The following PRKN variants were observed in gnomAD, a reference collection of about 807,000 sequenced individuals.
PRKN encodes the protein E3 ubiquitin-protein ligase parkin.
A neutral mutation model predicts 59.5 loss-of-function variants in PRKN; 56 were observed. That is an observed-to-expected ratio of 0.94 (90% CI 0.76 to 1.18). The LOEUF is 1.18. Ranked by LOEUF, PRKN falls within the 50% of genes most tolerant of loss-of-function variation. The pLI, the probability that PRKN is intolerant of heterozygous loss-of-function variation, is 0.00. For missense variants in PRKN, 657 were observed against 596.4 expected, an observed-to-expected ratio of 1.10 and a Z score of -1.06; for synonymous variants, 250 against 222.1, an observed-to-expected ratio of 1.13 and a Z score of -1.12.
At chr6:162,676,931 G>T (rs1779570318) in intron 1 of PRKN, among the ~76,000 whole-genome samples, 1 of 151,770 alleles carries the variant, frequency 6.6e-6, no homozygotes, top group African/African-American at 2.4e-5. Flanking sequence ...CATGGTGGTG[G>T]GTGCCTGTAA....
At chr6:162,336,462 C>T (rs1330914403) in intron 2 of PRKN, among the ~76,000 whole-genome samples, 1 of 152,154 alleles carries the variant, frequency 6.6e-6, no homozygotes, top group African/African-American at 2.4e-5. Flanking sequence ...ACAGTGCCAA[C>T]TGCCAAGTAC....
At chr6:161,478,815 C>A (rs1440051395) in intron 9 of PRKN, among the ~76,000 whole-genome samples, 1 of 152,152 alleles carries the variant, frequency 6.6e-6, no homozygotes, top group Non-Finnish European at 1.5e-5. Context: ...CACTGTACTC[C>A]CAGCCTGAGT....
intron 2 of PRKN, among the ~76,000 whole-genome samples, chr6:162,381,287 ATATTTC>A (rs1786471178): frequency 6.6e-6 from 1 of 152,286 alleles, no homozygotes; most frequent in Non-Finnish European, 1.5e-5. Flanking sequence ...TTTTTCAATT[ATATTTC>A]TATAACTATT....
At chr6:161,512,440 C>A (rs62436448) in intron 9 of PRKN, among the ~76,000 whole-genome samples, 1 of 152,166 alleles carries the variant, frequency 6.6e-6, no homozygotes, top group Admixed American at 6.5e-5. Flanking sequence ...TAAATTCATG[C>A]GGAGAAGTAT....
chr6:162,553,905 T>C (rs915024443), intron 1 of PRKN, among the ~76,000 whole-genome samples: 7 of 146,526 alleles, frequency 4.8e-5, no homozygotes, highest in Admixed American at 1.4e-4. Flanking sequence ...ATGATGAACT[T>C]TGGAATCTCA....
chr6:162,139,728 A>T (rs779794194), intron 4 of PRKN, among the ~76,000 whole-genome samples: 2 of 152,202 alleles, frequency 1.3e-5, no homozygotes, highest in Non-Finnish European at 2.9e-5. Flanking sequence ...ATGAGTAAAA[A>T]GTATAAAAAC....
chr6:162,085,406 C>A (rs1211780552), intron 4 of PRKN, among the ~76,000 whole-genome samples: 4 of 151,896 alleles, frequency 2.6e-5, no homozygotes, highest in African/African-American at 9.7e-5. Flanking sequence ...ACATATTTGA[C>A]TATTCAGTTA....
chr6:161,744,634 A>G (rs889591102), intron 7 of PRKN, among the ~76,000 whole-genome samples: 3 of 152,228 alleles, frequency 2.0e-5, no homozygotes, highest in African/African-American at 7.2e-5. Context: ...AAGGACCCAA[A>G]GCTGGAAGAT....
rs368999991 is a variant in PRKN at position 161,766,641 on chromosome 6, A to G, written c.871+19131T>C. Among the ~76,000 whole-genome samples, 9 of 152,314 alleles carry G rather than the reference A, an allele frequency of 5.9e-5. No individual in the cohort carries two copies. In the East Asian group the frequency reaches 1.5e-3, roughly 26 times the overall value. ...ACAGAACACAGTTTGATAAACATCA[A>G]TCTAAAGGTACTGCAGAGAGGCTGA... On this transcript the variant is annotated intron_variant, in intron 7 of 11. Coordinates refer to ENST00000366898, the MANE Select transcript of PRKN (RefSeq NM_004562.3).
Position 161,440,517 on chromosome 6 carries a change from G to A in PRKN, c.1084-53640C>T, listed in dbSNP as rs1181286558. Among the ~76,000 whole-genome samples the A allele has an allele frequency of 1.3e-5, 2 of 152,178 alleles. No homozygotes were observed. The highest frequency in any genetic ancestry group is 4.8e-5 in the African/African-American group (2 of 41,440). ...GGGAGGCTGCCTCTCGGGATAGATT[G>A]AATTGTTCTGCAAAGACATGGTCGG... On this transcript the variant is annotated intron_variant, in intron 9 of 11. Transcript: ENST00000366898. This position sits in a 1 kb window ranked among gnomAD's most constrained non-coding sequence, Gnocchi z 4.1.
intron 7 of PRKN, among the ~76,000 whole-genome samples, chr6:161,670,122 G>GGGT (rs201540724): frequency 0.015 from 2,237 of 152,232 alleles, 63 homozygotes; most frequent in African/African-American, 0.051. Context: ...TTGAAGCCCT[G>GGGT]GGTGTTGGCA....
At chr6:162,180,694 G>A (rs1783765857) in intron 4 of PRKN, among the ~76,000 whole-genome samples, 1 of 152,216 alleles carries the variant, frequency 6.6e-6, no homozygotes, top group South Asian at 2.1e-4. Context: ...TTCCAATCAG[G>A]TAGTTTTCAA....
At position 161,371,281 on chromosome 6, in the gene PRKN, C is replaced by T. The variant is rs149944764; in HGVS notation, c.1168-11076G>A. ...CTGGGTTCAAATGATTCTGCTGCCT[C>T]GGCCTCTCAAGTAGCTGGGGTTACA... On this transcript the variant is annotated intron_variant, in intron 10 of 11. Transcript: ENST00000366898. The surrounding 1 kb of genome is among the most constrained non-coding windows in gnomAD (Gnocchi z 5.5). Among the ~76,000 whole-genome samples, 17 of 152,014 alleles carry T rather than the reference C, an allele frequency of 1.1e-4. No homozygotes were observed. The highest frequency in any genetic ancestry group is 3.9e-4 in the African/African-American group (16 of 41,448).
At chr6:162,291,358 AC>A (rs1205213928) in intron 2 of PRKN, among the ~76,000 whole-genome samples, 2 of 142,412 alleles carry the variant, frequency 1.4e-5, no homozygotes, top group Non-Finnish European at 3.0e-5. Context: ...ACACTTATGA[AC>A]CAACTCTGGT....
chr6:162,293,762 A>G (rs1331107343), intron 2 of PRKN, among the ~76,000 whole-genome samples: 1 of 152,210 alleles, frequency 6.6e-6, no homozygotes, highest in Non-Finnish European at 1.5e-5. Context: ...CCCAAGGACC[A>G]GATGTGGGCA....
intron 1 of PRKN, among the ~76,000 whole-genome samples, chr6:162,445,569 G>A (rs1423098976): frequency 6.6e-6 from 1 of 151,552 alleles, no homozygotes; most frequent in East Asian, 1.9e-4. Context: ...GCGTGCACTT[G>A]CAGTCCCAGC....
At chr6:162,069,028 T>C (rs1778457587) in intron 4 of PRKN, among the ~76,000 whole-genome samples, 1 of 152,218 alleles carries the variant, frequency 6.6e-6, no homozygotes. Flanking sequence ...GAACACTTCC[T>C]TGGAGTCCTC....
chr6:161,985,379 G>T (rs1305729250), intron 5 of PRKN, among the ~76,000 whole-genome samples: 1 of 152,136 alleles, frequency 6.6e-6, no homozygotes, highest in Admixed American at 6.5e-5. Flanking sequence ...ATATCTGGTT[G>T]TTAACATGGA....
intron 6 of PRKN, among the ~76,000 whole-genome samples, chr6:161,920,446 A>G (rs1778739624): frequency 6.6e-6 from 1 of 152,078 alleles, no homozygotes; most frequent in African/African-American, 2.4e-5. Flanking sequence ...ATCTAAACAC[A>G]TGTGAACATG....
Sources: allele counts gnomAD v4.1 joint callset (sites outside exome capture counted in the v4.1 genomes callset), GRCh38; gene constraint gnomAD v4.1.1; non-coding constraint Gnocchi (gnomAD v3.1); transcripts MANE v1.5; gene names NCBI Gene and HGNC (gene_info 2026-07-23, HGNC 2026-07-21).